Variants in POU6F2 observed in about 807,000 individuals in gnomAD.
POU6F2 encodes the protein POU class 6 homeobox 2, also known as POU domain, class 6, transcription factor 2.
POU6F2 carries 31 observed loss-of-function variants against 71.3 expected under a neutral mutation model. The observed-to-expected ratio is 0.43, with a 90% CI of 0.33 to 0.59. The LOEUF is 0.59. POU6F2 is among the 20% of genes least tolerant of loss of function. POU6F2 has a pLI of 0.04. For synonymous variants in POU6F2, 347 were observed against 355.7 expected, an observed-to-expected ratio of 0.98 and a Z score of 0.27; for missense variants, 783 against 856.8, an observed-to-expected ratio of 0.91 and a Z score of 1.07.
intron 2 of POU6F2, among the ~76,000 whole-genome samples, chr7:39,161,026 T>A (rs1792984239): frequency 6.6e-6 from 1 of 152,092 alleles, no homozygotes. Context: ...TAGTAGTAAA[T>A]TCTGATGAAA....
chr7:39,028,580 T>C (rs1246576692), intron 1 of POU6F2, among the ~76,000 whole-genome samples: 1 of 152,094 alleles, frequency 6.6e-6, no homozygotes, highest in African/African-American at 2.4e-5. Context: ...TTATATTTGT[T>C]GATATATATT....
At chr7:39,041,496 A>G (rs1039562077) in intron 1 of POU6F2, among the ~76,000 whole-genome samples, 6 of 151,924 alleles carry the variant, frequency 3.9e-5, no homozygotes, top group Admixed American at 1.3e-4. Flanking sequence ...ATTGAAATCA[A>G]TCTTCTAAAT....
chr7:39,267,707 G>T (rs187610490), intron 4 of POU6F2, among the ~76,000 whole-genome samples: 93 of 151,920 alleles, frequency 6.1e-4, no homozygotes, highest in Admixed American at 5.8e-3. Flanking sequence ...TACGCTCAAG[G>T]GATCCTCCCA....
intron 3 of POU6F2, among the ~76,000 whole-genome samples, chr7:39,207,182 TCCAAA>T (rs1336411160): frequency 1.3e-5 from 2 of 152,038 alleles, no homozygotes; most frequent in Non-Finnish European, 2.9e-5. Context: ...TCACAAGAAG[TCCAAA>T]CCAAATGAAA....
intron 5 of POU6F2, among the ~76,000 whole-genome samples, chr7:39,345,221 T>C (rs1368910359): frequency 1.3e-5 from 2 of 152,198 alleles, no homozygotes; most frequent in African/African-American, 4.8e-5. Context: ...CTTATTCATC[T>C]TGATTACTAC....
At chr7:39,046,654 C>T (rs1188620364) in intron 1 of POU6F2, among the ~76,000 whole-genome samples, 1 of 151,878 alleles carries the variant, frequency 6.6e-6, no homozygotes, top group South Asian at 2.1e-4. Flanking sequence ...CTGTCTTTTT[C>T]ATTCCAGAAT....
chr7:39,403,443 A>G (rs1342158579), intron 5 of POU6F2, among the ~76,000 whole-genome samples: 1 of 152,206 alleles, frequency 6.6e-6, no homozygotes, highest in Non-Finnish European at 1.5e-5. Flanking sequence ...TGAAAACAAG[A>G]CCATGTATTA....
At chr7:39,029,409 T>C (rs1264355096) in intron 1 of POU6F2, among the ~76,000 whole-genome samples, 1 of 151,998 alleles carries the variant, frequency 6.6e-6, no homozygotes, top group Admixed American at 6.6e-5. Flanking sequence ...ATAAAAATAG[T>C]GATAGTGAGG....
intron 1 of POU6F2, among the ~76,000 whole-genome samples, chr7:39,003,094 G>C (rs921558114): frequency 6.6e-6 from 1 of 152,140 alleles, no homozygotes; most frequent in Non-Finnish European, 1.5e-5. Flanking sequence ...AGACAAAGCA[G>C]ATTGTAGTAC....
chr7:39,307,391 C>T (rs1487144189), intron 4 of POU6F2, among the ~76,000 whole-genome samples: 2 of 151,966 alleles, frequency 1.3e-5, no homozygotes, highest in African/African-American at 4.8e-5. Context: ...GTTAGAAAGG[C>T]CATAAACATC....
At chr7:39,232,776 G>A (rs1794598929) in intron 4 of POU6F2, among the ~76,000 whole-genome samples, 1 of 152,154 alleles carries the variant, frequency 6.6e-6, no homozygotes, top group East Asian at 1.9e-4. Context: ...AGTAGTTATG[G>A]CCCATGTCGT....
intron 2 of POU6F2, among the ~76,000 whole-genome samples, chr7:39,098,498 C>T (rs1464849956): frequency 6.6e-6 from 1 of 151,424 alleles, no homozygotes; most frequent in Non-Finnish European, 1.5e-5. Flanking sequence ...TTAGGCTGGT[C>T]TTGAACTCCT....
chr7:39,221,412 A>T (rs1210790768), intron 4 of POU6F2, among the ~76,000 whole-genome samples: 1 of 100,910 alleles, frequency 9.9e-6, no homozygotes, highest in Non-Finnish European at 1.9e-5. Context: ...TTTTTTTGAG[A>T]CAGTGTCTCG....
At chr7:39,425,324 A>G (rs1206910251) in intron 6 of POU6F2, among the ~76,000 whole-genome samples, 1 of 152,132 alleles carries the variant, frequency 6.6e-6, no homozygotes, top group Non-Finnish European at 1.5e-5. Flanking sequence ...AATAGAGGAA[A>G]TGAAGAGCCA....
At chr7:39,263,396 T>A (rs1230530191) in intron 4 of POU6F2, among the ~76,000 whole-genome samples, 3 of 152,172 alleles carry the variant, frequency 2.0e-5, no homozygotes, top group Non-Finnish European at 4.4e-5. Context: ...GCAGTCAAGG[T>A]TTTTTTCTTT....
intron 2 of POU6F2, among the ~76,000 whole-genome samples, chr7:39,183,629 C>A (rs1195715809): frequency 6.6e-6 from 1 of 152,196 alleles, no homozygotes; most frequent in Admixed American, 6.5e-5. Context: ...GACACAGACA[C>A]TAACCAGATC....
chr7:39,430,986 T>TG (rs1788086128), intron 6 of POU6F2, among the ~76,000 whole-genome samples: 1 of 152,156 alleles, frequency 6.6e-6, no homozygotes, highest in Non-Finnish European at 1.5e-5. Flanking sequence ...ACCTTGCCTG[T>TG]GGGGTCACAG....
At chr7:39,361,132 G>A (rs1028510010) in intron 5 of POU6F2, among the ~76,000 whole-genome samples, 33 of 152,152 alleles carry the variant, frequency 2.2e-4, no homozygotes, top group Admixed American at 1.6e-3. Flanking sequence ...ATTTGTAGGT[G>A]GTGATTTCCC....
intron 6 of POU6F2, among the ~76,000 whole-genome samples, chr7:39,429,873 A>G (rs550917371): frequency 3.3e-5 from 5 of 152,204 alleles, no homozygotes; most frequent in Non-Finnish European, 5.9e-5. Context: ...AGATGCAAAT[A>G]CTTCCCTTGA....
Sources: allele counts gnomAD v4.1 joint callset (sites outside exome capture counted in the v4.1 genomes callset), GRCh38; gene constraint gnomAD v4.1.1; transcripts MANE v1.5; gene names NCBI Gene and HGNC (gene_info 2026-07-23, HGNC 2026-07-21).